The following SPAG16 variants were observed in gnomAD, a reference collection of about 807,000 sequenced individuals.
SPAG16 encodes the protein sperm associated antigen 16.
In SPAG16, 86 loss-of-function variants were observed where a neutral mutation model predicts 80.4. The observed-to-expected ratio is 1.07, with a 90% CI of 0.90 to 1.28. The LOEUF is 1.28. Ranked by LOEUF, SPAG16 falls within the 50% of genes most tolerant of loss-of-function variation. SPAG16 has a pLI of 0.00. For synonymous variants in SPAG16, 294 were observed against 265.9 expected (o/e 1.11, Z -1.03); for missense variants, 870 against 765.3 (o/e 1.14, Z -1.61).
At position 213,387,429 on chromosome 2, in the gene SPAG16, C is replaced by CTTTTTTTTT. The variant is rs1491308938; in HGVS notation, c.942+12311_942+12312insTTTTTTTTT. Reference sequence around the variant, plus strand: ...TTTTTGGGTTGGAATGAAATGCATGCTCTTTTTTTTTTTTTTTTTTTTTTT... The same window carrying CTTTTTTTTT: ...TTTTTGGGTTGGAATGAAATGCATGCTTTTTTTTTTCTTTTTTTTTTTTTTTTTTTTTTT... On this transcript the variant is annotated intron_variant, in intron 9 of 15. Transcript: ENST00000331683. Among the ~76,000 whole-genome samples, 137 of 71,754 alleles carry CTTTTTTTTT rather than the reference C, an allele frequency of 1.9e-3. 9 individuals carry two copies. The highest frequency in any genetic ancestry group is 3.7e-3 in the East Asian group (6 of 1,612). The allele number at this position is 71,754 out of a possible 152,430, so 47.1% of individuals were successfully genotyped here.
intron 11 of SPAG16, among the ~76,000 whole-genome samples, chr2:213,895,034 C>CA (rs1167915570): frequency 9.5e-6 from 1 of 105,454 alleles, no homozygotes; most frequent in Non-Finnish European, 2.0e-5. Context: ...AAGACTCTAC[C>CA]AAAAAACAGT....
chr2:213,976,135 T>TATACATACACACACAC (rs749957411), intron 12 of SPAG16, among the ~76,000 whole-genome samples: 1 of 81,416 alleles, frequency 1.2e-5, no homozygotes, highest in African/African-American at 3.8e-5. Flanking sequence ...TATATATATA[T>TATACATACACACACAC]ACACACACAC....
intron 10 of SPAG16, among the ~76,000 whole-genome samples, chr2:213,667,178 T>C (rs1345684610): frequency 6.6e-6 from 1 of 152,230 alleles, no homozygotes; most frequent in Non-Finnish European, 1.5e-5. Flanking sequence ...ATAATATTGT[T>C]TGTATCAGTC....
chr2:213,516,929 G>A (rs959557598), intron 10 of SPAG16, among the ~76,000 whole-genome samples: 17 of 152,010 alleles, frequency 1.1e-4, no homozygotes, highest in African/African-American at 1.9e-4. Context: ...TACCATCACC[G>A]TTTGCATTAA....
At chr2:214,268,914 T>C (rs1327694957) in intron 15 of SPAG16, among the ~76,000 whole-genome samples, 1 of 151,990 alleles carries the variant, frequency 6.6e-6, no homozygotes, top group Non-Finnish European at 1.5e-5. Context: ...AAGTCAGAGA[T>C]GGCTGCATGT....
At chr2:214,112,962 G>A (rs189322965) in intron 14 of SPAG16, among the ~76,000 whole-genome samples, 2 of 152,248 alleles carry the variant, frequency 1.3e-5, no homozygotes, top group Admixed American at 1.3e-4. Context: ...GCTGGTACTG[G>A]TTGTTCCTTT....
At chr2:214,298,112 A>G (rs1322445139) in intron 15 of SPAG16, among the ~76,000 whole-genome samples, 1 of 64,572 alleles carries the variant, frequency 1.5e-5, no homozygotes, top group Non-Finnish European at 3.5e-5. Context: ...ATATATATAT[A>G]TACACACACA....
At chr2:213,938,966 T>C (rs2106280535) in intron 12 of SPAG16, among the ~76,000 whole-genome samples, 1 of 152,134 alleles carries the variant, frequency 6.6e-6, no homozygotes, top group African/African-American at 2.4e-5. Flanking sequence ...ATCCTAACAC[T>C]TAACAAAGAG....
chr2:213,862,478 C>G lies in SPAG16; in HGVS notation c.1071-7C>G, dbSNP rs753268977. ...CCCATAACTCTTTTTTCTTTCTCCT[C>G]GCGCAGTGTCTCCATGCAACCCCAC... is the stretch of plus-strand genomic sequence containing the variant. On this transcript the variant is annotated splice_region_variant and splice_polypyrimidine_tract_variant and intron_variant, in intron 10 of 15. Coordinates refer to ENST00000331683, the MANE Select transcript of SPAG16 (RefSeq NM_024532.5). The G allele has an allele frequency of 6.2e-7, 1 of 1,612,920 alleles. No individual in the cohort carries two copies. The highest frequency in any genetic ancestry group is 1.3e-5 in the African/African-American group (1 of 74,974).
chr2:213,308,027 G>T (rs908357303), intron 3 of SPAG16, among the ~76,000 whole-genome samples: 1 of 152,148 alleles, frequency 6.6e-6, no homozygotes, highest in Non-Finnish European at 1.5e-5. Context: ...AAAATTTGCT[G>T]CTGAGTTTCT....
intron 5 of SPAG16, among the ~76,000 whole-genome samples, chr2:213,328,799 G>A (rs2063951081): frequency 6.6e-6 from 1 of 152,158 alleles, no homozygotes; most frequent in South Asian, 2.1e-4. Flanking sequence ...TAAGGCCTAA[G>A]ATGGTTACCT....
chr2:213,935,902 T>C (rs1454391161), intron 12 of SPAG16, among the ~76,000 whole-genome samples: 2 of 152,146 alleles, frequency 1.3e-5, no homozygotes, highest in Non-Finnish European at 2.9e-5. Context: ...CCTTATGTCA[T>C]TGGCATTCTT....
intron 9 of SPAG16, among the ~76,000 whole-genome samples, chr2:213,407,021 T>G (rs2068647616): frequency 6.6e-6 from 1 of 151,284 alleles, no homozygotes; most frequent in African/African-American, 2.4e-5. Flanking sequence ...GACCACTCTG[T>G]GCACAGACCA....
At chr2:214,081,861 G>C (rs2051413187) in intron 13 of SPAG16, among the ~76,000 whole-genome samples, 1 of 151,684 alleles carries the variant, frequency 6.6e-6, no homozygotes, top group African/African-American at 2.4e-5. Context: ...TCCTTAGGAG[G>C]GTTTCTTTAA....
intron 13 of SPAG16, among the ~76,000 whole-genome samples, chr2:214,057,695 C>T (rs2050019447): frequency 1.3e-5 from 2 of 152,256 alleles, no homozygotes; most frequent in South Asian, 2.1e-4. Context: ...CTAAGAAAGT[C>T]CTAGATGGCA....
At chr2:214,137,860 A>T (rs945081672) in intron 14 of SPAG16, among the ~76,000 whole-genome samples, 1 of 152,186 alleles carries the variant, frequency 6.6e-6, no homozygotes, top group Non-Finnish European at 1.5e-5. Flanking sequence ...AGTAATACAA[A>T]TCTGATTGTA....
chr2:214,182,510 G>C (rs2057339709), intron 15 of SPAG16, among the ~76,000 whole-genome samples: 2 of 151,884 alleles, frequency 1.3e-5, no homozygotes, highest in African/African-American at 4.8e-5. Context: ...CAAGATTATA[G>C]ACATGTACCT....
intron 10 of SPAG16, among the ~76,000 whole-genome samples, chr2:213,706,426 A>AT (rs1033730726): frequency 3.3e-5 from 5 of 152,134 alleles, no homozygotes; most frequent in African/African-American, 1.2e-4. Flanking sequence ...ATCATTCTAA[A>AT]TTTTTTTTGG....
intron 10 of SPAG16, among the ~76,000 whole-genome samples, chr2:213,679,107 A>G (rs980520219): frequency 1.3e-5 from 2 of 152,174 alleles, no homozygotes; most frequent in East Asian, 3.9e-4. Flanking sequence ...GCTCTTAAAA[A>G]TGGATACCTG....
Sources: gnomAD v4.1 joint callset for allele counts (sites outside exome capture counted in the v4.1 genomes callset) on GRCh38, gnomAD v4.1.1 for gene constraint, MANE v1.5 for transcripts, NCBI Gene and HGNC (gene_info 2026-07-23, HGNC 2026-07-21) for gene names.